GABBR2: variants seen among roughly 807,000 people sequenced by gnomAD.
The protein encoded by GABBR2 is G-protein coupled receptor 51.
Under a neutral mutation model 105.6 loss-of-function variants are expected in GABBR2, and 23 were observed. The observed-to-expected ratio is 0.22, with a 90% CI of 0.16 to 0.31. The LOEUF (loss-of-function observed/expected upper bound fraction) is 0.31. Among genes scored for constraint, GABBR2 ranks in the 10% least tolerant of loss-of-function variants. The pLI, the probability that GABBR2 is intolerant of heterozygous loss-of-function variation, is 1.00. For missense variants in GABBR2, 734 were observed against 1,245.5 expected (o/e 0.59, Z 6.18); for synonymous variants, 478 against 499.7 (o/e 0.96, Z 0.58).
intron 13 of GABBR2, among the ~76,000 whole-genome samples, chr9:98,358,731 TGGCAGG>T (rs1179629494): frequency 6.6e-6 from 1 of 152,168 alleles, no homozygotes; most frequent in Non-Finnish European, 1.5e-5. Context: ...GGCTTGGCAG[TGGCAGG>T]GGCGTCATGG....
At chr9:98,572,485 GA>G (rs1184911541) in intron 2 of GABBR2, among the ~76,000 whole-genome samples, 1 of 152,178 alleles carries the variant, frequency 6.6e-6, no homozygotes, top group East Asian at 1.9e-4. Flanking sequence ...TTCCATTTGT[GA>G]AGCTCTGTTT....
At chr9:98,651,139 GT>G (rs55727456) in intron 1 of GABBR2, among the ~76,000 whole-genome samples, 70,053 of 128,904 alleles carry the variant, frequency 0.54, 15,963 homozygotes, top group Middle Eastern at 0.67. Flanking sequence ...ACACACACTG[GT>G]TTTTTTTTTT....
chr9:98,540,083 C>T (rs550172808), intron 3 of GABBR2, among the ~76,000 whole-genome samples: 2 of 152,292 alleles, frequency 1.3e-5, no homozygotes, highest in East Asian at 3.9e-4. Context: ...ATGAAGGCGG[C>T]CTTTCAGCAA....
intron 1 of GABBR2, among the ~76,000 whole-genome samples, chr9:98,579,895 T>C (rs958988526): frequency 2.6e-5 from 4 of 152,232 alleles, no homozygotes; most frequent in Admixed American, 6.5e-5. Context: ...TAGGTCTTAA[T>C]TGATTGAGCA....
intron 4 of GABBR2, among the ~76,000 whole-genome samples, chr9:98,489,421 A>G (rs551086482): frequency 3.9e-4 from 60 of 152,328 alleles, no homozygotes; most frequent in Non-Finnish European, 7.5e-4. Context: ...TTCACCTGCA[A>G]TAGGGAAGCT....
At chr9:98,489,781 C>A (rs1337917709) in intron 4 of GABBR2, among the ~76,000 whole-genome samples, 1 of 152,106 alleles carries the variant, frequency 6.6e-6, no homozygotes, top group South Asian at 2.1e-4. Flanking sequence ...AGTCCAACCC[C>A]GGGTCTACTT....
At chr9:98,513,569 A>T (rs989315028) in intron 3 of GABBR2, among the ~76,000 whole-genome samples, 70 of 152,136 alleles carry the variant, frequency 4.6e-4, no homozygotes, top group African/African-American at 1.7e-3. Flanking sequence ...AAAAAAAAAC[A>T]AACAACCCCA....
At chr9:98,692,915 G>T (rs1236077094) in intron 1 of GABBR2, among the ~76,000 whole-genome samples, 1 of 152,196 alleles carries the variant, frequency 6.6e-6, no homozygotes, top group Admixed American at 6.5e-5. Flanking sequence ...GACACCAACT[G>T]CCCTTCAGAC....
At chr9:98,553,296 T>A (rs924274148) in intron 2 of GABBR2, among the ~76,000 whole-genome samples, 33 of 151,956 alleles carry the variant, frequency 2.2e-4, no homozygotes, top group Admixed American at 9.8e-4. Flanking sequence ...GCCCCATAGC[T>A]AGTAAGAGGC....
chr9:98,370,984 G>A (rs1359443481), intron 12 of GABBR2, among the ~76,000 whole-genome samples: 3 of 152,080 alleles, frequency 2.0e-5, no homozygotes, highest in Non-Finnish European at 4.4e-5. Flanking sequence ...AAGTTAAAGT[G>A]CAGATTCCTT....
intron 4 of GABBR2, among the ~76,000 whole-genome samples, chr9:98,489,590 T>G (rs762615867): frequency 1.3e-5 from 2 of 152,108 alleles, no homozygotes; most frequent in Non-Finnish European, 2.9e-5. Flanking sequence ...TCTAATTTTA[T>G]TATTTAGTGT....
At chr9:98,292,587 G>A (rs1293656901) in intron 18 of GABBR2, among the ~76,000 whole-genome samples, 2 of 152,340 alleles carry the variant, frequency 1.3e-5, no homozygotes, top group East Asian at 3.9e-4. Context: ...TCATTCTGAA[G>A]TTAAAGTTGG....
At chr9:98,630,875 A>C (rs945244058) in intron 1 of GABBR2, among the ~76,000 whole-genome samples, 1 of 152,206 alleles carries the variant, frequency 6.6e-6, no homozygotes, top group Non-Finnish European at 1.5e-5. Context: ...CTATTATTTA[A>C]ACTTAAATTA....
At chr9:98,652,891 G>A (rs10119544) in intron 1 of GABBR2, among the ~76,000 whole-genome samples, 13,747 of 152,268 alleles carry the variant, frequency 0.09, 948 homozygotes, top group African/African-American at 0.19. Flanking sequence ...AAATCGCCAG[G>A]GAAGCAGTGA....
chr9:98,389,863 A>T (rs1832147185), intron 9 of GABBR2, among the ~76,000 whole-genome samples: 1 of 152,016 alleles, frequency 6.6e-6, no homozygotes, highest in Non-Finnish European at 1.5e-5. Flanking sequence ...GGAATTGTGA[A>T]ACTTCAGGGC....
chr9:98,560,426 TACACACAC>T (rs1209503495), intron 2 of GABBR2, among the ~76,000 whole-genome samples: 1 of 64,202 alleles, frequency 1.6e-5, no homozygotes, highest in Admixed American at 1.9e-4. Flanking sequence ...CATATACACA[TACACACAC>T]ACACACATAC....
intron 2 of GABBR2, among the ~76,000 whole-genome samples, chr9:98,543,321 G>C (rs535481605): frequency 6.6e-6 from 1 of 151,578 alleles, no homozygotes; most frequent in Non-Finnish European, 1.5e-5. Context: ...TAGAGTGAGT[G>C]AAGTTGAATA....
chr9:98,528,799 G>C (rs570993255), intron 3 of GABBR2, among the ~76,000 whole-genome samples: 3 of 151,862 alleles, frequency 2.0e-5, no homozygotes, highest in South Asian at 4.1e-4. Flanking sequence ...AATACTGGCA[G>C]GGAATGGTCC....
intron 8 of GABBR2, among the ~76,000 whole-genome samples, chr9:98,398,155 C>T (rs1012363311): frequency 6.6e-6 from 1 of 152,078 alleles, no homozygotes; most frequent in Non-Finnish European, 1.5e-5. Context: ...CTTGTCTTCT[C>T]ACTTGGTTCT....
Sources: gnomAD v4.1 joint callset for allele counts (sites outside exome capture counted in the v4.1 genomes callset) on GRCh38, gnomAD v4.1.1 for gene constraint, MANE v1.5 for transcripts, NCBI Gene and HGNC (gene_info 2026-07-23, HGNC 2026-07-21) for gene names.